MYO3A: variants seen among roughly 807,000 people sequenced by gnomAD.
MYO3A encodes myosin IIIA, also known as myosin-IIIa.
MYO3A carries 180 observed loss-of-function variants against 192.7 expected under a neutral mutation model. The observed-to-expected ratio is 0.93, with a 90% CI of 0.83 to 1.06. The LOEUF is 1.06. Ranked by LOEUF, MYO3A falls within the 50% of genes least tolerant of loss-of-function variation. The probability of loss-of-function intolerance (pLI) is 0.00; values close to 1 mark genes in which losing one functional copy is unlikely to be tolerated. For synonymous variants in MYO3A, 628 were observed against 645.3 expected (o/e 0.97, Z 0.41); for missense variants, 1,896 against 1,905.0 (o/e 1.00, Z 0.09).
intron 17 of MYO3A, among the ~76,000 whole-genome samples, chr10:26,110,687 G>T (rs1838110182): frequency 6.6e-6 from 1 of 152,106 alleles, no homozygotes; most frequent in Non-Finnish European, 1.5e-5. Context: ...CTCGTGTAAA[G>T]GATAGAGTGT....
At chr10:26,210,051 C>T (rs1844151738) in intron 34 of MYO3A, among the ~76,000 whole-genome samples, 1 of 134,340 alleles carries the variant, frequency 7.4e-6, no homozygotes, top group South Asian at 2.5e-4. Flanking sequence ...TGCAGTGAGG[C>T]TGTTATTGTA....
chr10:26,081,244 G>A (rs1011272908), intron 14 of MYO3A, among the ~76,000 whole-genome samples: 6 of 151,058 alleles, frequency 4.0e-5, no homozygotes, highest in Non-Finnish European at 7.4e-5. Flanking sequence ...TGCTGTGGCT[G>A]CTGTGTGGGA....
intron 10 of MYO3A, among the ~76,000 whole-genome samples, chr10:26,032,405 A>G (rs973884023): frequency 6.6e-6 from 1 of 152,344 alleles, no homozygotes; most frequent in East Asian, 1.9e-4. Flanking sequence ...TCACGAGGTC[A>G]GGAATTCGAG....
At chr10:26,099,570 T>G (rs989037404) in intron 17 of MYO3A, among the ~76,000 whole-genome samples, 2 of 152,178 alleles carry the variant, frequency 1.3e-5, no homozygotes, top group African/African-American at 4.8e-5. Flanking sequence ...CTCTTATTAT[T>G]TTGAGATATG....
At chr10:26,095,720 G>C (rs1836977272) in intron 15 of MYO3A, among the ~76,000 whole-genome samples, 1 of 152,160 alleles carries the variant, frequency 6.6e-6, no homozygotes. Context: ...TGCAGCATCT[G>C]GAAAATGCTA....
In MYO3A at chr10:26,117,245, A is replaced by T. The variant is rs578091939; in HGVS notation, c.1777-3431A>T. On this transcript the variant is annotated intron_variant, in intron 17 of 34. Coordinates refer to ENST00000642920, the MANE Select transcript of MYO3A (RefSeq NM_017433.5). ...TTATGATGGAATTCTGCATCATTTT[A>T]TATACTTCCAAGTTCATAGACCAGT... 7.2e-5 allele frequency among the ~76,000 whole-genome samples: 11 copies of T among 152,262 alleles called. No individual in the cohort carries two copies. The South Asian group carries it at 2.3e-3, about 32-fold the overall frequency.
chr10:25,996,672 A>G, intron 5 of MYO3A, 78 bp downstream of exon 5: 1 of 1,137,052 alleles, frequency 8.8e-7, no homozygotes, highest in Non-Finnish European at 1.3e-6. Flanking sequence ...TTTTAGAAAA[A>G]TGTCACTAGT....
At chr10:26,083,859 T>C (rs999688928) in intron 14 of MYO3A, among the ~76,000 whole-genome samples, 6 of 152,222 alleles carry the variant, frequency 3.9e-5, no homozygotes, top group African/African-American at 1.2e-4. Context: ...GAAAAATTTA[T>C]ATAATTGTAG....
At chr10:26,021,859 A>C (rs950196013) in intron 8 of MYO3A, 27 of 612,340 alleles carry the variant, frequency 4.4e-5, no homozygotes, top group Non-Finnish European at 7.4e-5. Flanking sequence ...TTCTCTTGAT[A>C]ATCAGTGTGT....
rs1474800004 is a variant in MYO3A, at chr10:26,211,882, A to C, written c.4770A>C (p.Arg1590Ser). The C allele has an allele frequency of 5.6e-6, 9 of 1,613,870 alleles. No homozygotes were observed. The highest frequency in any genetic ancestry group is 5.3e-5 in the African/African-American group (4 of 74,886). The change falls in exon 35 of 35, where the codon AGA (arginine) becomes AGC (serine). Residue 1590 changes from arginine to serine, a missense_variant. Arg to Ser is a moderately radical substitution (Grantham distance 110, BLOSUM62 -1). Transcript: ENST00000642920. ...AGAGCCCCGAGAAGGAGGAGGAGAG[A>C]GAGCCAGCAGCCAACCCCTACGACT... ...AAESPEKEEE[R>S]EPAANPYDFR...
At chr10:26,065,012 C>G (rs1417755476) in intron 10 of MYO3A, among the ~76,000 whole-genome samples, 1 of 152,000 alleles carries the variant, frequency 6.6e-6, no homozygotes, top group African/African-American at 2.4e-5. Flanking sequence ...AAGATAACTT[C>G]AAGAACTGAA....
At chr10:26,090,672 G>A (rs1836646462) in intron 15 of MYO3A, among the ~76,000 whole-genome samples, 1 of 152,196 alleles carries the variant, frequency 6.6e-6, no homozygotes, top group South Asian at 2.1e-4. Flanking sequence ...TCAGACATGT[G>A]ATTGATGGAA....
chr10:26,010,615 C>A (rs1178804870), intron 6 of MYO3A, among the ~76,000 whole-genome samples: 2 of 152,092 alleles, frequency 1.3e-5, no homozygotes, highest in East Asian at 3.9e-4. Flanking sequence ...AGGCACACAC[C>A]ACCACACTCG....
intron 23 of MYO3A, among the ~76,000 whole-genome samples, chr10:26,152,958 G>A (rs1001893227): frequency 5.9e-5 from 9 of 152,200 alleles, no homozygotes; most frequent in African/African-American, 2.2e-4. Flanking sequence ...AATGGGAAAG[G>A]TTTGCCAAAA....
chr10:25,965,668 A>ATG (rs1297253027), intron 4 of MYO3A, among the ~76,000 whole-genome samples: 1 of 152,082 alleles, frequency 6.6e-6, no homozygotes, highest in African/African-American at 2.4e-5. Context: ...TTGAATATAT[A>ATG]GAGTGCAAAC....
At chr10:26,210,514 G>A (rs111752212) in intron 34 of MYO3A, among the ~76,000 whole-genome samples, 2,993 of 152,134 alleles carry the variant, frequency 0.02, 103 homozygotes, top group African/African-American at 0.065. Context: ...TCCTCCACAG[G>A]CCTAGTGTAA....
Position 26,082,660 on chromosome 10 carries a change from A to T in MYO3A, c.1360-5543A>T, listed in dbSNP as rs187700281. Among the ~76,000 whole-genome samples the T allele has an allele frequency of 1.0e-3, 153 of 152,362 alleles. 2 individuals carry two copies. Among genetic ancestry groups the T allele is most frequent in the African/African-American group, 3.5e-3 (145 of 41,588 alleles). On this transcript the variant is annotated intron_variant, in intron 14 of 34. Coordinates refer to ENST00000642920, the MANE Select transcript of MYO3A (RefSeq NM_017433.5). Reference sequence around the variant, plus strand: ...TATGATAAAGTTTAAATTATAAATTAGGCACAATAAGAGATTAACAATAAC... The same window carrying T: ...TATGATAAAGTTTAAATTATAAATTTGGCACAATAAGAGATTAACAATAAC...
At chr10:26,211,195 G>C (rs1338596337) in intron 34 of MYO3A, among the ~76,000 whole-genome samples, 1 of 152,206 alleles carries the variant, frequency 6.6e-6, no homozygotes, top group Non-Finnish European at 1.5e-5. Flanking sequence ...AATGGGGAGT[G>C]AATGAATCTA....
Position 26,016,866 on chromosome 10 carries a change from C to T in MYO3A, c.555C>T (p.Ser185=), listed in dbSNP as rs369418419. 3.2e-5 allele frequency: 51 copies of T among 1,614,034 alleles called. No homozygotes were observed. Among genetic ancestry groups the T allele is most frequent in the Middle Eastern group, 1.6e-4 (1 of 6,084 alleles). The stretch of plus-strand genomic sequence containing the variant: ...GTACCCGGCACCGTCGGAACACATC[C>T]GTAGGAACACCGTTTTGGATGGCTC... The part of the protein sequence containing the change: ...LTSTRHRRNT[S]VGTPFWMAPE... The change falls in exon 7 of 35, where the codon TCC becomes TCT. Residue 185 remains serine (S), a synonymous_variant. Coordinates refer to ENST00000642920, the MANE Select transcript of MYO3A (RefSeq NM_017433.5).
Sources: gnomAD v4.1 joint callset for allele counts (sites outside exome capture counted in the v4.1 genomes callset) on GRCh38, gnomAD v4.1.1 for gene constraint, MANE v1.5 for transcripts, NCBI Gene and HGNC (gene_info 2026-07-23, HGNC 2026-07-21) for gene names.